SMYD3: variants seen among roughly 807,000 people sequenced by gnomAD.
SMYD3 encodes the protein SET and MYND domain containing 3, also known as histone-lysine N-methyltransferase SMYD3.
In SMYD3, 36 loss-of-function variants were observed where a neutral mutation model predicts 57.7. The ratio of observed to expected loss-of-function variants is 0.62; its 90% CI spans 0.48 to 0.82. The LOEUF (loss-of-function observed/expected upper bound fraction) is 0.82. Among genes scored for constraint, SMYD3 ranks in the 40% least tolerant of loss-of-function variants. The probability of loss-of-function intolerance (pLI) is 0.00; values close to 1 mark genes in which losing one functional copy is unlikely to be tolerated. For synonymous variants in SMYD3, 211 were observed against 195.0 expected, an observed-to-expected ratio of 1.08 and a Z score of -0.68; for missense variants, 515 against 538.8, an observed-to-expected ratio of 0.96 and a Z score of 0.44.
At chr1:246,101,215 A>G (rs541039029) in intron 5 of SMYD3, among the ~76,000 whole-genome samples, 5 of 151,616 alleles carry the variant, frequency 3.3e-5, no homozygotes, top group South Asian at 2.1e-4. Context: ...ATAATTTTTT[A>G]TGTGAGAAAA....
At chr1:246,033,788 A>G (rs1409664142) in intron 5 of SMYD3, among the ~76,000 whole-genome samples, 1 of 152,194 alleles carries the variant, frequency 6.6e-6, no homozygotes, top group Non-Finnish European at 1.5e-5. Flanking sequence ...CTCTGCCTCA[A>G]AAAAATTAAT....
chr1:245,967,434 G>A (rs768690445), intron 5 of SMYD3, among the ~76,000 whole-genome samples: 11 of 152,176 alleles, frequency 7.2e-5, no homozygotes, highest in Non-Finnish European at 1.6e-4. Context: ...ACAAACCTAT[G>A]ATCAGTAACT....
intron 5 of SMYD3, among the ~76,000 whole-genome samples, chr1:246,125,077 A>ACACAC (rs1553295580): frequency 1.6e-4 from 17 of 104,314 alleles, no homozygotes; most frequent in East Asian, 4.1e-4. Flanking sequence ...GTCTCAAAAA[A>ACACAC]AAAAAAAAAA....
chr1:245,870,101 A>G (rs2052098354), intron 8 of SMYD3, among the ~76,000 whole-genome samples: 1 of 152,240 alleles, frequency 6.6e-6, no homozygotes, highest in Non-Finnish European at 1.5e-5. Context: ...ATTTGGTGAT[A>G]GAGTGAATGA....
chr1:246,506,990 C>CCCCCCCCCCCCCCCCCCCCCCCA, intron 1 of SMYD3, 64 bp downstream of exon 1: 1 of 609,990 alleles, frequency 1.6e-6, no homozygotes, highest in Non-Finnish European at 2.2e-6. Context: ...CCGCCCGACG[C>CCCCCCCCCCCCCCCCCCCCCCCA]CCCCCCCTCC....
intron 5 of SMYD3, among the ~76,000 whole-genome samples, chr1:246,274,415 T>C (rs1429304939): frequency 6.6e-6 from 1 of 152,204 alleles, no homozygotes; most frequent in Admixed American, 6.5e-5. Flanking sequence ...AACACTGATG[T>C]CAGCACACTG....
intron 5 of SMYD3, among the ~76,000 whole-genome samples, chr1:246,130,980 T>C (rs965397252): frequency 6.6e-6 from 1 of 152,158 alleles, no homozygotes; most frequent in Admixed American, 6.5e-5. Flanking sequence ...TCCTGTACAC[T>C]ACACACACTC....
chr1:246,099,889 A>G (rs1558227555), intron 5 of SMYD3, among the ~76,000 whole-genome samples: 2 of 152,238 alleles, frequency 1.3e-5, no homozygotes, highest in Non-Finnish European at 2.9e-5. Flanking sequence ...GTAAGTATTT[A>G]TGGACAGCCC....
rs184526770 is a variant in SMYD3, at chr1:245,836,366, G to A, written c.1076+22130C>T. Among the ~76,000 whole-genome samples the A allele has an allele frequency of 9.2e-5, 14 of 152,252 alleles. No homozygotes were observed. The East Asian group carries it at 2.3e-3, about 25-fold the overall frequency. On this transcript the variant is annotated intron_variant, in intron 10 of 11. Coordinates refer to ENST00000490107, the MANE Select transcript of SMYD3 (RefSeq NM_001167740.2). ...ATAGCCACTGGCCTTCCCATCCTCC[G>A]TGCGGTCCTGAACTGACCATGCACT... is the stretch of plus-strand genomic sequence containing the variant.
At position 245,925,238 on chromosome 1, in the gene SMYD3, T is replaced by G. The variant is rs138877838; in HGVS notation, c.702+2693A>C. On this transcript the variant is annotated intron_variant, in intron 7 of 11. Transcript: ENST00000490107. ...ATTAATACATAATATTTATACATAT[T>G]TATGGGGTCCAGGTACTATTTTGCT... is the stretch of plus-strand genomic sequence containing the variant. 4.7e-3 allele frequency among the ~76,000 whole-genome samples: 711 copies of G among 152,292 alleles called. 5 individuals are homozygous for G. Among genetic ancestry groups the G allele is most frequent in the African/African-American group, 0.015 (630 of 41,548 alleles).
chr1:246,160,291 G>C (rs747283730), intron 5 of SMYD3, among the ~76,000 whole-genome samples: 7 of 152,100 alleles, frequency 4.6e-5, no homozygotes, highest in Non-Finnish European at 7.4e-5. Context: ...AGAACTCTAT[G>C]TCTTTCTTTG....
chr1:245,968,249 G>C (rs1373581826), intron 5 of SMYD3, among the ~76,000 whole-genome samples: 1 of 138,028 alleles, frequency 7.2e-6, no homozygotes, highest in Non-Finnish European at 1.5e-5. Context: ...CCATGCTGAG[G>C]CTCTCACGTC....
chr1:246,170,059 T>C (rs1228314884), intron 5 of SMYD3, among the ~76,000 whole-genome samples: 1 of 152,134 alleles, frequency 6.6e-6, no homozygotes, highest in Non-Finnish European at 1.5e-5. Flanking sequence ...TCTTGGTTTT[T>C]GATCATTATA....
chr1:246,080,137 C>T (rs566953906), intron 5 of SMYD3, among the ~76,000 whole-genome samples: 20 of 149,592 alleles, frequency 1.3e-4, no homozygotes, highest in African/African-American at 4.2e-4. Context: ...TTCATGAACT[C>T]GTAAGTCAGT....
intron 5 of SMYD3, among the ~76,000 whole-genome samples, chr1:246,171,352 C>A (rs12123022): frequency 0.071 from 10,771 of 152,074 alleles, 536 homozygotes; most frequent in African/African-American, 0.13. Flanking sequence ...TTTGCATATC[C>A]TTTTGCTTTA....
At chr1:245,967,716 T>C (rs527961917) in intron 5 of SMYD3, among the ~76,000 whole-genome samples, 88 of 152,252 alleles carry the variant, frequency 5.8e-4, no homozygotes, top group Non-Finnish European at 1.1e-3. Flanking sequence ...AACCCAAGAA[T>C]TGCTTCTTAT....
chr1:245,881,105 A>C (rs527821118), intron 8 of SMYD3, among the ~76,000 whole-genome samples: 6 of 152,224 alleles, frequency 3.9e-5, no homozygotes, highest in Non-Finnish European at 5.9e-5. Context: ...CAGATCTCCA[A>C]CAGGATAATG....
intron 5 of SMYD3, among the ~76,000 whole-genome samples, chr1:246,235,295 A>C (rs376862525): frequency 6.6e-6 from 1 of 152,204 alleles, no homozygotes; most frequent in South Asian, 2.1e-4. Context: ...CAGTGCCCCA[A>C]AATTGAAGAA....
chr1:246,117,925 A>C (rs903200366), intron 5 of SMYD3, among the ~76,000 whole-genome samples: 16 of 152,302 alleles, frequency 1.1e-4, no homozygotes, highest in East Asian at 1.9e-4. Flanking sequence ...TAGGAACTTA[A>C]GAGATAATAG....
Sources: gnomAD v4.1 joint callset for allele counts (sites outside exome capture counted in the v4.1 genomes callset) on GRCh38, gnomAD v4.1.1 for gene constraint, MANE v1.5 for transcripts, NCBI Gene and HGNC (gene_info 2026-07-23, HGNC 2026-07-21) for gene names.